The following ANKUB1 variants were observed in gnomAD, a reference collection of about 807,000 sequenced individuals.
ANKUB1 encodes protein ANKUB1.
Under a neutral mutation model 49.3 loss-of-function variants are expected in ANKUB1, and 42 were observed. The observed-to-expected ratio is 0.85, with a 90% CI of 0.67 to 1.10. The LOEUF (loss-of-function observed/expected upper bound fraction) is 1.10. ANKUB1 is among the 50% of genes least tolerant of loss of function. The pLI, the probability that ANKUB1 is intolerant of heterozygous loss-of-function variation, is 0.00. For missense variants in ANKUB1, 613 were observed against 642.0 expected (o/e 0.95, Z 0.49); for synonymous variants, 222 against 231.0 (o/e 0.96, Z 0.35).
At chr3:149,780,913 A>T (rs1311187555) in intron 2 of ANKUB1, among the ~76,000 whole-genome samples, 1 of 151,432 alleles carries the variant, frequency 6.6e-6, no homozygotes, top group Non-Finnish European at 1.5e-5. Context: ...TTTGCTTATC[A>T]TTTTGTGCTT....
At chr3:149,783,697 G>A (rs1717965067) in intron 2 of ANKUB1, 1 of 152,186 alleles carries the variant, frequency 6.6e-6, no homozygotes, top group Admixed American at 6.5e-5. Flanking sequence ...GCAGAAGCTT[G>A]CTGAACTATT....
At chr3:149,764,640 C>G (rs1433854085) in intron 5 of ANKUB1, among the ~76,000 whole-genome samples, 2 of 65,148 alleles carry the variant, frequency 3.1e-5, no homozygotes, top group East Asian at 9.7e-4. Flanking sequence ...CCCTTCCTCT[C>G]TCTTTCTTTC....
Position 149,767,177 on chromosome 3 carries a change from G to C in ANKUB1, c.1485C>G (p.Ile495Met). Residue 495 changes from isoleucine to methionine, a missense_variant, in exon 5 of 6, where the codon ATC (isoleucine) becomes ATG (methionine). Physicochemically the swap from Ile to Met is conservative, Grantham distance 10. Coordinates refer to ENST00000446160, the MANE Select transcript of ANKUB1 (RefSeq NM_001144960.3). ...HSGKTPWENA[I>M]YCLAVASAFK... The stretch of plus-strand genomic sequence containing the variant: ...ATTACCTTGCCACAGCTAAGCAGTA[G>C]ATTGCGTTCTCCCATGGAGTCTTCC... The C allele has an allele frequency of 6.5e-7, 1 of 1,530,932 alleles. No homozygotes were observed. Among genetic ancestry groups the C allele is most frequent in the Non-Finnish European group, 8.8e-7 (1 of 1,139,658 alleles). The allele number at this position is 1,530,932 out of a possible 1,614,324, so 94.8% of individuals were successfully genotyped here.
At chr3:149,782,022 A>G (rs80187551) in intron 2 of ANKUB1, among the ~76,000 whole-genome samples, 1 of 152,188 alleles carries the variant, frequency 6.6e-6, no homozygotes, top group African/African-American at 2.4e-5. Flanking sequence ...GTATCTGTTC[A>G]AGCTAATGTA....
chr3:149,792,355 G>A lies in ANKUB1; in HGVS notation c.12C>T (p.Phe4=), dbSNP rs775521708. 53 of 1,512,058 alleles carry A rather than the reference G, an allele frequency of 3.5e-5. No individual in the cohort carries two copies. The South Asian group carries it at 4.5e-4, about 13-fold the overall frequency. 93.7% of individuals were successfully genotyped at this position (1,512,058 alleles called of 1,614,324 possible). The change falls in exon 1 of 6, where the codon TTC becomes TTT. Residue 4 remains phenylalanine, a synonymous_variant. Coordinates refer to ENST00000446160, the MANE Select transcript of ANKUB1 (RefSeq NM_001144960.3). ...GTTCAAAAGATCCTTCAAAGGCGAT[G>A]AAAATCCTCATTGTACAATTACCTT... MRI[F]IAFEGSFEPF...
intron 3 of ANKUB1, among the ~76,000 whole-genome samples, chr3:149,777,749 G>C (rs1411570762): frequency 6.6e-6 from 1 of 152,120 alleles, no homozygotes; most frequent in Non-Finnish European, 1.5e-5. Context: ...ACTTTCTCCA[G>C]AATGCCTTCC....
intron 2 of ANKUB1, among the ~76,000 whole-genome samples, chr3:149,788,959 G>C (rs1458977095): frequency 6.6e-6 from 1 of 151,744 alleles, no homozygotes; most frequent in Non-Finnish European, 1.5e-5. Flanking sequence ...ATTTTTATTG[G>C]AGATGGGGCT....
At chr3:149,790,751 C>A (rs1157132702) in intron 2 of ANKUB1, 30 bp downstream of exon 2, 2 of 1,525,120 alleles carry the variant, frequency 1.3e-6, no homozygotes, top group East Asian at 2.5e-5. Flanking sequence ...AGATAGATAT[C>A]TTAGACGAAT....
intron 3 of ANKUB1, among the ~76,000 whole-genome samples, chr3:149,775,940 A>G (rs1048773215): frequency 6.6e-6 from 1 of 151,962 alleles, no homozygotes; most frequent in African/African-American, 2.4e-5. Flanking sequence ...TATGTATTGG[A>G]CCTGTGTGAT....
intron 3 of ANKUB1, chr3:149,779,330 G>GTTTTTGT (rs201365756): frequency 1.3e-5 from 2 of 152,012 alleles, no homozygotes; most frequent in Non-Finnish European, 2.9e-5. Context: ...TCCTGCTATT[G>GTTTTTGT]TTTTTGTTTT....
At chr3:149,766,174 G>A (rs556942802) in intron 5 of ANKUB1, among the ~76,000 whole-genome samples, 8 of 152,202 alleles carry the variant, frequency 5.3e-5, no homozygotes, top group East Asian at 3.9e-4. Context: ...ATCTAATTCC[G>A]ATACACTTTC....
intron 1 of ANKUB1, 36 bp downstream of exon 1, chr3:149,792,241 A>G: frequency 7.1e-7 from 1 of 1,399,600 alleles, no homozygotes; most frequent in South Asian, 1.5e-5. Flanking sequence ...GTTAAAATTA[A>G]TATACATTTT....
chr3:149,778,296 C>G (rs1009342269), intron 3 of ANKUB1: 2 of 152,184 alleles, frequency 1.3e-5, no homozygotes, highest in Non-Finnish European at 2.9e-5. Context: ...TATCTGAACA[C>G]CCTCATTTCC....
At chr3:149,788,817 C>T (rs1033995066) in intron 2 of ANKUB1, among the ~76,000 whole-genome samples, 3 of 152,050 alleles carry the variant, frequency 2.0e-5, no homozygotes, top group East Asian at 1.9e-4. Flanking sequence ...CACTCTATCA[C>T]CTAGGCTGGA....
At chr3:149,787,379 T>C (rs1348108044) in intron 2 of ANKUB1, among the ~76,000 whole-genome samples, 4 of 152,182 alleles carry the variant, frequency 2.6e-5, no homozygotes, top group Admixed American at 2.6e-4. Flanking sequence ...CTGTCTGTTA[T>C]AGGTGTATAG....
At chr3:149,785,579 A>T (rs1224582801) in intron 2 of ANKUB1, among the ~76,000 whole-genome samples, 1 of 152,190 alleles carries the variant, frequency 6.6e-6, no homozygotes, top group African/African-American at 2.4e-5. Flanking sequence ...GTCCCTACAA[A>T]GGACATGAAC....
intron 5 of ANKUB1, among the ~76,000 whole-genome samples, chr3:149,763,153 C>G (rs1053453892): frequency 6.6e-6 from 1 of 152,140 alleles, no homozygotes; most frequent in East Asian, 1.9e-4. Flanking sequence ...CTTTCTGTGC[C>G]CTCTAAACTG....
intron 2 of ANKUB1, among the ~76,000 whole-genome samples, chr3:149,787,461 G>A (rs560585833): frequency 6.6e-6 from 1 of 152,278 alleles, no homozygotes; most frequent in East Asian, 1.9e-4. Context: ...AGCTTAAGGA[G>A]ATTTTGGGCT....
At chr3:149,788,511 A>G (rs555322661) in intron 2 of ANKUB1, among the ~76,000 whole-genome samples, 1 of 151,632 alleles carries the variant, frequency 6.6e-6, no homozygotes, top group East Asian at 2.0e-4. Flanking sequence ...AAAATTTTTA[A>G]AATATTTTTG....
Sources: gnomAD v4.1 joint callset for allele counts (sites outside exome capture counted in the v4.1 genomes callset) on GRCh38, gnomAD v4.1.1 for gene constraint, MANE v1.5 for transcripts, NCBI Gene and HGNC (gene_info 2026-07-23, HGNC 2026-07-21) for gene names.